The following ZNF626 variants were observed in gnomAD, a reference collection of about 807,000 sequenced individuals.
ZNF626 encodes zinc finger protein 626, also known as CTC-513N18.7.
A neutral mutation model predicts 11.7 loss-of-function variants in ZNF626; 4 were observed. The observed-to-expected ratio is 0.34, with a 90% confidence interval of 0.17 to 0.78. The LOEUF (loss-of-function observed/expected upper bound fraction) is 0.78, where lower values mean the gene tolerates loss of function less well. Among genes scored for constraint, ZNF626 ranks in the 30% least tolerant of loss-of-function variants. The pLI is 0.57. For synonymous variants in ZNF626, 179 were observed against 198.6 expected (o/e 0.90, Z 0.83); for missense variants, 588 against 587.1 (o/e 1.00, Z -0.01).
chr19:20,625,053 T>A lies in ZNF626; in HGVS notation c.824A>T (p.His275Leu). The A allele has an allele frequency of 6.2e-7, 1 of 1,613,868 alleles. No individual in the cohort carries two copies. The highest frequency in any genetic ancestry group is 8.5e-7 in the Non-Finnish European group (1 of 1,179,970). Residue 275 changes from histidine (H) to leucine (L), a missense_variant, in exon 4 of 4, where the codon CAT (histidine) becomes CTT (leucine). His to Leu is a moderately conservative substitution (Grantham distance 99). Transcript: ENST00000601440. The stretch of plus-strand genomic sequence containing the variant: ...TTTCTTTTCCGTATGAATTATCTCA[T>A]GTTTACTAAGGGTTGAGGATGACAT... ...AFMSSSTLSK[H>L]EIIHTEKKPY...
intron 3 of ZNF626, among the ~76,000 whole-genome samples, chr19:20,643,872 A>T (rs959420): frequency 0.3 from 46,047 of 152,022 alleles, 7,861 homozygotes; most frequent in East Asian, 0.46. Context: ...CAGTTGTGAA[A>T]CCCTATTAAA....
At chr19:20,643,010 C>CAA (rs11289893) in intron 3 of ZNF626, among the ~76,000 whole-genome samples, 4 of 109,318 alleles carry the variant, frequency 3.7e-5, no homozygotes, top group South Asian at 2.9e-4. Flanking sequence ...AACTCCTTCT[C>CAA]AAAAAAAAAA....
intron 3 of ZNF626, among the ~76,000 whole-genome samples, chr19:20,634,914 A>G (rs936303809): frequency 6.6e-6 from 1 of 152,262 alleles, no homozygotes; most frequent in Non-Finnish European, 1.5e-5. Context: ...GTGAAAAAGT[A>G]GAACAATAAA....
chr19:20,621,457 G>C lies in ZNF626; in HGVS notation c.*2833C>G, dbSNP rs1453066739. ...TATATTTCTGTATAATTTTTATTAT[G>C]ACCATAAAAATCACCCTGTAGTCAA... is the stretch of plus-strand genomic sequence containing the variant. On this transcript the variant is annotated 3_prime_UTR_variant, in exon 4 of 4. Transcript: ENST00000601440. The C allele has an allele frequency of 6.6e-6, 1 of 152,034 alleles. No homozygotes were observed. The highest frequency in any genetic ancestry group is 1.5e-5 in the Non-Finnish European group (1 of 68,010). The allele number at this position is 152,034 out of a possible 1,614,324, so 9.4% of individuals were successfully genotyped here.
rs192601020 is a variant in ZNF626, at chr19:20,626,601, C to A, written c.227-951G>T. Among the ~76,000 whole-genome samples, 33 of 152,036 alleles carry A rather than the reference C, an allele frequency of 2.2e-4. 1 individual carries two copies. The highest frequency in any genetic ancestry group is 2.2e-3 in the Admixed American group (33 of 15,274). On this transcript the variant is annotated intron_variant, in intron 3 of 3. Transcript: ENST00000601440. ...GGCATGGTGGCATGTGCCTGTAATC[C>A]CAGCTACTTGGGAGGCTGACACACA...
chr19:20,635,028 T>C (rs1969951607), intron 3 of ZNF626, among the ~76,000 whole-genome samples: 1 of 152,172 alleles, frequency 6.6e-6, no homozygotes, highest in Non-Finnish European at 1.5e-5. Context: ...AATCATTCAG[T>C]AGGTAGAAAA....
intron 3 of ZNF626, among the ~76,000 whole-genome samples, chr19:20,628,011 T>C (rs1555769980): frequency 2.0e-5 from 3 of 152,184 alleles, no homozygotes; most frequent in Non-Finnish European, 4.4e-5. Flanking sequence ...TTCCCACCTA[T>C]TAGTGAGAAC....
chr19:20,625,501 G>A lies in ZNF626; in HGVS notation c.376C>T (p.His126Tyr). Residue 126 changes from histidine to tyrosine, a missense_variant, in exon 4 of 4, where the codon CAC becomes TAC. Physicochemically the swap from His to Tyr is moderately conservative, Grantham distance 83 (BLOSUM62 2). Coordinates refer to ENST00000601440, the MANE Select transcript of ZNF626 (RefSeq NM_001076675.3). ...TTAAGTTCATTATAACCTTCTTTGT[G>A]CACCTTACACTCATCCACACTTATA... Reference protein sequence around the residue: ...GCISVDECKVHKEGYNELNQC... With the variant: ...GCISVDECKVYKEGYNELNQC... 6.2e-7 allele frequency: 1 copy of A among 1,613,920 alleles called. No homozygotes were observed. Among genetic ancestry groups the A allele is most frequent in the Non-Finnish European group, 8.5e-7 (1 of 1,179,978 alleles).
At position 20,622,524 on chromosome 19, in the gene ZNF626, T is replaced by C. The variant is rs1002911662; in HGVS notation, c.*1766A>G. 11 of 152,162 alleles carry C rather than the reference T, an allele frequency of 7.2e-5. No homozygotes were observed. Among genetic ancestry groups the C allele is most frequent in the South Asian group, 2.1e-4 (1 of 4,824 alleles). 9.4% of individuals were successfully genotyped at this position (152,162 alleles called of 1,614,324 possible). ...TCTAATATCTCTGATGCAGCAACAA[T>C]TGATCACATACTTTCACGTGAATAT... On this transcript the variant is annotated 3_prime_UTR_variant, in exon 4 of 4. Coordinates refer to ENST00000601440, the MANE Select transcript of ZNF626 (RefSeq NM_001076675.3).
chr19:20,657,313 G>A (rs1970215243), intron 1 of ZNF626, among the ~76,000 whole-genome samples: 2 of 152,160 alleles, frequency 1.3e-5, no homozygotes, highest in Admixed American at 1.3e-4. Context: ...CTGAAAGATG[G>A]AAGCTAAAGT....
At chr19:20,631,362 T>G (rs1225408250) in intron 3 of ZNF626, among the ~76,000 whole-genome samples, 1 of 152,086 alleles carries the variant, frequency 6.6e-6, no homozygotes, top group Admixed American at 6.6e-5. Flanking sequence ...CTGTCTAACT[T>G]TCTGTCTAAC....
At chr19:20,644,420 C>A (rs1555771718) in intron 3 of ZNF626, among the ~76,000 whole-genome samples, 1 of 152,186 alleles carries the variant, frequency 6.6e-6, no homozygotes, top group African/African-American at 2.4e-5. Context: ...AACAAGCCAA[C>A]TGAAGATGAA....
intron 3 of ZNF626, among the ~76,000 whole-genome samples, chr19:20,627,327 G>A (rs1969848463): frequency 2.1e-5 from 1 of 48,628 alleles, no homozygotes; most frequent in Non-Finnish European, 3.5e-5. Context: ...ATGTAATGAT[G>A]AAGAATTTTT....
At chr19:20,650,128 G>A (rs1458192884) in intron 1 of ZNF626, among the ~76,000 whole-genome samples, 9 of 152,178 alleles carry the variant, frequency 5.9e-5, no homozygotes, top group East Asian at 1.9e-4. Flanking sequence ...AACATATTAC[G>A]TGATTTAATT....
At chr19:20,632,509 A>G (rs1460637486) in intron 3 of ZNF626, among the ~76,000 whole-genome samples, 1 of 151,612 alleles carries the variant, frequency 6.6e-6, no homozygotes, top group Admixed American at 6.6e-5. Context: ...TTTTCTCTAA[A>G]CTTCTCTTCT....
At chr19:20,654,674 A>T (rs545612312) in intron 1 of ZNF626, among the ~76,000 whole-genome samples, 1 of 152,284 alleles carries the variant, frequency 6.6e-6, no homozygotes, top group East Asian at 1.9e-4. Context: ...GTGACACTCC[A>T]GCCCGGACGA....
chr19:20,651,704 G>T (rs2144790338), intron 1 of ZNF626, among the ~76,000 whole-genome samples: 1 of 152,292 alleles, frequency 6.6e-6, no homozygotes, highest in African/African-American at 2.4e-5. Context: ...ACCTGGGGCT[G>T]GTGGCCCAAT....
In ZNF626 at chr19:20,623,798, C is replaced by T. The variant is rs1969784353; in HGVS notation, c.*492G>A. On this transcript the variant is annotated 3_prime_UTR_variant, in exon 4 of 4. Coordinates refer to ENST00000601440, the MANE Select transcript of ZNF626 (RefSeq NM_001076675.3). ...TGGGTGACAAGAGTTGAAACTCCAT[C>T]TCAAAAAAAAAAAAAAAAAGACAGA... 1 of 162,968 alleles carries T rather than the reference C, an allele frequency of 6.1e-6. No individual in the cohort carries two copies. Among genetic ancestry groups the T allele is most frequent in the African/African-American group, 4.2e-5 (1 of 24,082 alleles). The allele number at this position is 162,968 out of a possible 1,614,324, so 10.1% of individuals were successfully genotyped here.
At chr19:20,642,747 G>A (rs1056420698) in intron 3 of ZNF626, among the ~76,000 whole-genome samples, 15 of 151,990 alleles carry the variant, frequency 9.9e-5, no homozygotes, top group South Asian at 2.1e-4. Flanking sequence ...GGCCAGGCGC[G>A]GTGGCTCATG....
Sources: gnomAD v4.1 joint callset for allele counts (sites outside exome capture counted in the v4.1 genomes callset) on GRCh38, gnomAD v4.1.1 for gene constraint, MANE v1.5 for transcripts, NCBI Gene and HGNC (gene_info 2026-07-23, HGNC 2026-07-21) for gene names.